NRDC: variants seen among roughly 807,000 people sequenced by gnomAD.
The protein encoded by NRDC is nardilysin convertase, also known as nardilysin.
NRDC carries 54 observed loss-of-function variants against 147.1 expected under a neutral mutation model. The ratio of observed to expected loss-of-function variants is 0.37; its 90% CI spans 0.29 to 0.46. The LOEUF (loss-of-function observed/expected upper bound fraction) is 0.46. Among genes scored for constraint, NRDC ranks in the 20% least tolerant of loss-of-function variants. The probability of loss-of-function intolerance (pLI) is 1.00; values close to 1 mark genes in which losing one functional copy is unlikely to be tolerated. For missense variants in NRDC, 1,082 were observed against 1,370.6 expected, an observed-to-expected ratio of 0.79 and a Z score of 3.33; for synonymous variants, 440 against 482.1, an observed-to-expected ratio of 0.91 and a Z score of 1.14.
intron 3 of NRDC, among the ~76,000 whole-genome samples, chr1:51,834,522 C>T (rs1357817115): frequency 1.3e-5 from 2 of 151,902 alleles, no homozygotes; most frequent in African/African-American, 4.8e-5. Context: ...CACCAGGTTG[C>T]CCAGGCTGGT....
At chr1:51,836,767 G>A (rs1680998418) in intron 2 of NRDC, among the ~76,000 whole-genome samples, 1 of 152,054 alleles carries the variant, frequency 6.6e-6, no homozygotes, top group Non-Finnish European at 1.5e-5. Flanking sequence ...AAAATCGGTA[G>A]CTATTAAAAA....
chr1:51,834,250 T>C lies in NRDC; in HGVS notation c.713-80A>G, dbSNP rs990027980. ...TCACACATGAACTTTCTTATATGCATAGAAAAACTGAAAGAAAATAGACCA... is the reference window on the plus strand; with the variant it reads ...TCACACATGAACTTTCTTATATGCACAGAAAAACTGAAAGAAAATAGACCA... On this transcript the variant is annotated intron_variant, in intron 3 of 30. Coordinates refer to ENST00000352171, the MANE Select transcript of NRDC (RefSeq NM_001101662.2). The C allele has an allele frequency of 1.1e-5, 15 of 1,403,372 alleles. No individual in the cohort carries two copies. In the Middle Eastern group the frequency reaches 5.4e-4, roughly 51 times the overall value. The allele number at this position is 1,403,372 out of a possible 1,614,324, so 86.9% of individuals were successfully genotyped here.
intron 1 of NRDC, among the ~76,000 whole-genome samples, chr1:51,851,420 T>C (rs1048064657): frequency 1.3e-5 from 2 of 151,860 alleles, no homozygotes; most frequent in Admixed American, 1.3e-4. Context: ...TCACCTAGGT[T>C]TTGCGACAAA....
intron 11 of NRDC, 52 bp from the exon 12 acceptor site, chr1:51,814,865 AC>A (rs755997126): frequency 4.7e-6 from 7 of 1,489,468 alleles, no homozygotes; most frequent in Non-Finnish European, 5.4e-6. Flanking sequence ...TTGACAGTCT[AC>A]AGACATTCAA....
chr1:51,809,410 G>A lies in NRDC; in HGVS notation c.1904-9C>T, dbSNP rs371060888. The A allele has an allele frequency of 1.3e-6, 2 of 1,581,262 alleles. No homozygotes were observed. The highest frequency in any genetic ancestry group is 1.3e-5 in the African/African-American group (1 of 74,222). ...CCAAGAGTTTTCAATATCTGTAAAG[G>A]AGAAAAATAAACTGACCCAATAAAC... is the stretch of plus-strand genomic sequence containing the variant. On this transcript the variant is annotated splice_polypyrimidine_tract_variant and intron_variant, in intron 16 of 30. Coordinates refer to ENST00000352171, the MANE Select transcript of NRDC (RefSeq NM_001101662.2).
At chr1:51,841,725 G>A (rs776576007) in intron 1 of NRDC, among the ~76,000 whole-genome samples, 1 of 152,144 alleles carries the variant, frequency 6.6e-6, no homozygotes, top group Non-Finnish European at 1.5e-5. Flanking sequence ...CTCATCATCA[G>A]GCATTCACTG....
chr1:51,817,963 CTA>C (rs1218912947), intron 10 of NRDC, 101 bp downstream of exon 10: 4 of 786,560 alleles, frequency 5.1e-6, no homozygotes, highest in African/African-American at 3.6e-5. Context: ...TACCGTATTG[CTA>C]TGTTTATAAA....
chr1:51,844,569 C>T (rs1024049139), intron 1 of NRDC, among the ~76,000 whole-genome samples: 3 of 151,472 alleles, frequency 2.0e-5, no homozygotes, highest in Non-Finnish European at 2.9e-5. Flanking sequence ...GGTGAAACCC[C>T]GTCTCTACTA....
At position 51,850,583 on chromosome 1, in the gene NRDC, A is replaced by G. The variant is rs1262063775; in HGVS notation, c.342-10069T>C. Among the ~76,000 whole-genome samples, 5 of 150,248 alleles carry G rather than the reference A, an allele frequency of 3.3e-5. 1 individual carries two copies. The highest frequency in any genetic ancestry group is 6.8e-3 in the Middle Eastern group (2 of 294). ...ACATGCAACTTAATAAGCAAGTAAT[A>G]GTAACTTTAAAATAGCCAAGGAAGT... On this transcript the variant is annotated intron_variant, in intron 1 of 30. Transcript: ENST00000352171.
At chr1:51,850,027 A>C (rs1408605438) in intron 1 of NRDC, among the ~76,000 whole-genome samples, 6 of 151,682 alleles carry the variant, frequency 4.0e-5, no homozygotes, top group Non-Finnish European at 8.8e-5. Context: ...AAAATACAAA[A>C]ATTAGCCAGG....
intron 1 of NRDC, among the ~76,000 whole-genome samples, chr1:51,843,653 A>G (rs901397935): frequency 2.0e-5 from 3 of 152,346 alleles, no homozygotes; most frequent in Admixed American, 2.0e-4. Flanking sequence ...ACAGGGGACC[A>G]TTCCAAATAA....
At chr1:51,830,773 A>G (rs1476508363) in intron 4 of NRDC, among the ~76,000 whole-genome samples, 1 of 152,234 alleles carries the variant, frequency 6.6e-6, no homozygotes, top group East Asian at 1.9e-4. Context: ...AGACGCCACC[A>G]TGGTAAAGAC....
intron 1 of NRDC, among the ~76,000 whole-genome samples, chr1:51,861,594 C>G (rs1318553638): frequency 6.6e-6 from 1 of 152,024 alleles, no homozygotes; most frequent in Non-Finnish European, 1.5e-5. Context: ...AATCCGCCCC[C>G]CTTGGCTTCC....
Position 51,814,563 on chromosome 1 carries a change from C to T in NRDC, c.1607G>A (p.Gly536Asp). The change falls in exon 13 of 31, where the codon GGC (glycine) becomes GAC (aspartate). Residue 536 changes from glycine to aspartate, a missense_variant. Physicochemically the swap from Gly to Asp is moderately conservative, Grantham distance 94. Coordinates refer to ENST00000352171, the MANE Select transcript of NRDC (RefSeq NM_001101662.2). ...AAGTGTTTATTACCTTTTTTCTGGG[C>T]CTAGCTTCTGCAGCATTTTTAAATA... Reference protein sequence around the residue: ...FQYLKMLQKLGPEKRIFEEIR... With the variant: ...FQYLKMLQKLDPEKRIFEEIR... 1.9e-6 allele frequency: 3 copies of T among 1,613,276 alleles called. No homozygotes were observed. The highest frequency in any genetic ancestry group is 2.5e-6 in the Non-Finnish European group (3 of 1,179,444).
At chr1:51,795,660 C>T (rs1039265973) in intron 22 of NRDC, 3 of 156,926 alleles carry the variant, frequency 1.9e-5, no homozygotes, top group African/African-American at 7.2e-5. Context: ...CTTGAACAAG[C>T]ATCTGACTGA....
chr1:51,841,564 C>T (rs544038183), intron 1 of NRDC, among the ~76,000 whole-genome samples: 35 of 152,346 alleles, frequency 2.3e-4, no homozygotes, highest in Admixed American at 4.6e-4. Context: ...ATCTTGGCCC[C>T]ACAAAGTGCT....
At chr1:51,864,217 T>C (rs185718167) in intron 1 of NRDC, among the ~76,000 whole-genome samples, 1 of 152,310 alleles carries the variant, frequency 6.6e-6, no homozygotes, top group Admixed American at 6.5e-5. Flanking sequence ...TAGACTGCTA[T>C]TAGTATTTCA....
chr1:51,792,051 G>A lies in NRDC; in HGVS notation c.2871C>T (p.Thr957=). The A allele has an allele frequency of 6.2e-7, 1 of 1,613,990 alleles. No homozygotes were observed. Among genetic ancestry groups the A allele is most frequent in the Non-Finnish European group, 8.5e-7 (1 of 1,179,976 alleles). Residue 957 remains threonine, a synonymous_variant, in exon 26 of 31, where the codon ACC becomes ACT. Transcript: ENST00000352171. ...GGCCCTGCCAGCTGACTTACCCAAG[G>A]GTCTGCTTGGTTCGAAGGAAGTCAA... ...PCFDFLRTKQ[T]LGYHVYPTCR...
chr1:51,819,062 G>C (rs1177120970), intron 9 of NRDC, among the ~76,000 whole-genome samples: 1 of 152,208 alleles, frequency 6.6e-6, no homozygotes, highest in African/African-American at 2.4e-5. Flanking sequence ...AACACTGTGG[G>C]AGGCGAAGGC....
Sources: allele counts gnomAD v4.1 joint callset (sites outside exome capture counted in the v4.1 genomes callset), GRCh38; gene constraint gnomAD v4.1.1; transcripts MANE v1.5; gene names NCBI Gene and HGNC (gene_info 2026-07-23, HGNC 2026-07-21).